The following CCP110 variants were observed in gnomAD, a reference collection of about 807,000 sequenced individuals.
CCP110 encodes centriolar coiled-coil protein 110.
A neutral mutation model predicts 105.5 loss-of-function variants in CCP110; 43 were observed. The ratio of observed to expected loss-of-function variants is 0.41; its 90% CI spans 0.32 to 0.53. The LOEUF (loss-of-function observed/expected upper bound fraction) is 0.53. Ranked by LOEUF, CCP110 falls within the 20% of genes least tolerant of loss-of-function variation. The pLI, the probability that CCP110 is intolerant of heterozygous loss-of-function variation, is 0.32. For missense variants in CCP110, 1,016 were observed against 1,189.1 expected (o/e 0.85, Z 2.14); for synonymous variants, 353 against 392.1 (o/e 0.90, Z 1.18).
chr16:19,549,667 T>G (rs1970571799), intron 14 of CCP110, among the ~76,000 whole-genome samples: 3 of 152,240 alleles, frequency 2.0e-5, no homozygotes, highest in Admixed American at 6.5e-5. Flanking sequence ...AGATAACCAT[T>G]TGAAAGGACT....
intron 7 of CCP110, 22 bp downstream of exon 7, chr16:19,542,782 T>C (rs1484436733): frequency 1.9e-6 from 3 of 1,598,830 alleles, no homozygotes; most frequent in Non-Finnish European, 1.7e-6. Flanking sequence ...TAATGATACA[T>C]GTCCATCTAT....
chr16:19,542,962 G>A lies in CCP110; in HGVS notation c.2452G>A (p.Asp818Asn), dbSNP rs149194732. Residue 818 changes from aspartate to asparagine, a missense_variant, in exon 8 of 15, where the codon GAT becomes AAT. Coordinates refer to ENST00000381396, the Ensembl canonical transcript of CCP110. ...TCTTACTCGTAGACTTATGCAGACA[G>A]ATAAGCTGAAGCAACTTCGACAAAC... The A allele has an allele frequency of 5.8e-5, 94 of 1,608,652 alleles. No individual in the cohort carries two copies. The highest frequency in any genetic ancestry group is 7.9e-5 in the Non-Finnish European group (93 of 1,176,152).
chr16:19,536,781 T>C (rs759081175), exon 4 of CCP110: 4 of 1,614,076 alleles, frequency 2.5e-6, no homozygotes, highest in East Asian at 4.5e-5. Flanking sequence ...GAGCCAAGTA[T>C]GAGTCCTAAA....
intron 3 of CCP110, among the ~76,000 whole-genome samples, chr16:19,533,137 C>T (rs530920551): frequency 9.2e-5 from 14 of 152,284 alleles, no homozygotes; most frequent in South Asian, 8.3e-4. Flanking sequence ...TTAGATTGAA[C>T]GAATAATTTC....
chr16:19,531,003 G>T (rs547945996), intron 2 of CCP110, among the ~76,000 whole-genome samples: 2 of 152,264 alleles, frequency 1.3e-5, no homozygotes, highest in African/African-American at 4.8e-5. Flanking sequence ...ATAATGTTTA[G>T]TTGCCCTCTA....
chr16:19,544,409 A>G (rs1413536111), intron 8 of CCP110, among the ~76,000 whole-genome samples: 3 of 152,238 alleles, frequency 2.0e-5, no homozygotes, highest in Admixed American at 6.5e-5. Context: ...CTGTGGATTC[A>G]ACGAACCATG....
intron 1 of CCP110, chr16:19,525,308 A>G (rs562710479): frequency 7.0e-4 from 100 of 143,178 alleles, no homozygotes; most frequent in Admixed American, 1.8e-3. Flanking sequence ...TGTGGTATAA[A>G]TGGAGAAGAC....
chr16:19,526,561 T>C (rs1355996749), intron 1 of CCP110: 1 of 152,234 alleles, frequency 6.6e-6, no homozygotes, highest in Admixed American at 6.5e-5. Context: ...TTTGCATAGA[T>C]TGAACACAAA....
At chr16:19,539,118 AAAAAAT>A (rs201323547) in intron 4 of CCP110, among the ~76,000 whole-genome samples, 24,260 of 151,494 alleles carry the variant, frequency 0.16, 2,883 homozygotes, top group East Asian at 0.39. Context: ...TCTCAAAAAA[AAAAAAT>A]AATAATAATA....
intron 14 of CCP110, among the ~76,000 whole-genome samples, chr16:19,549,099 G>A (rs1238043936): frequency 6.6e-6 from 1 of 152,068 alleles, no homozygotes; most frequent in Non-Finnish European, 1.5e-5. Flanking sequence ...CATTATTTGA[G>A]GATTAAGAGC....
intron 3 of CCP110, among the ~76,000 whole-genome samples, chr16:19,533,311 G>A (rs568430328): frequency 1.3e-5 from 2 of 152,292 alleles, no homozygotes; most frequent in East Asian, 3.9e-4. Context: ...ACTGAGGCAA[G>A]TCTCAATCGA....
rs758168379 is a variant in CCP110, at chr16:19,540,797, G to A, written c.2049+10G>A. 1.2e-6 allele frequency: 2 copies of A among 1,610,800 alleles called. No homozygotes were observed. The highest frequency in any genetic ancestry group is 1.7e-6 in the Non-Finnish European group (2 of 1,178,908). The stretch of plus-strand genomic sequence containing the variant: ...AGAAAGACTGCAAAAGGTGAGGAAT[G>A]TGGAGGGAGATACAACTGGTAAGTG... On this transcript the variant is annotated intron_variant, in intron 5 of 14. Transcript: ENST00000381396.
At position 19,548,661 on chromosome 16, in the gene CCP110, T is replaced by A; in HGVS notation, c.2986+61T>A. 1 of 1,037,872 alleles carries A rather than the reference T, an allele frequency of 9.6e-7. No homozygotes were observed. Among genetic ancestry groups the A allele is most frequent in the Admixed American group, 2.3e-5 (1 of 43,966 alleles). The allele number at this position is 1,037,872 out of a possible 1,614,324, so 64.3% of individuals were successfully genotyped here. ...AGAAGGAAGTGCACAAGCTGCCCCA[T>A]AACTCAGGCCATAGAAGTGGAATAG... On this transcript the variant is annotated intron_variant, in intron 14 of 14. Coordinates refer to ENST00000381396, the Ensembl canonical transcript of CCP110. This position sits in a 1 kb window ranked among gnomAD's most constrained non-coding sequence, Gnocchi z 4.1.
intron 1 of CCP110, chr16:19,526,918 T>G (rs1169113901): frequency 6.6e-6 from 1 of 152,222 alleles, no homozygotes; most frequent in African/African-American, 2.4e-5. Flanking sequence ...ATACCCTTGC[T>G]GGTTATGATT....
chr16:19,530,900 A>T (rs2151463667), intron 2 of CCP110, among the ~76,000 whole-genome samples: 1 of 152,166 alleles, frequency 6.6e-6, no homozygotes, highest in African/African-American at 2.4e-5. Flanking sequence ...GGATCGCACC[A>T]CTGTACTCCA....
At chr16:19,535,208 A>G (rs1970008714) in intron 3 of CCP110, among the ~76,000 whole-genome samples, 1 of 152,208 alleles carries the variant, frequency 6.6e-6, no homozygotes, top group Non-Finnish European at 1.5e-5. Context: ...GTCTGTATTC[A>G]TATGATAATA....
At chr16:19,527,365 T>TAA (rs58097336) in intron 1 of CCP110, among the ~76,000 whole-genome samples, 48 of 143,848 alleles carry the variant, frequency 3.3e-4, no homozygotes, top group Non-Finnish European at 4.3e-4. Flanking sequence ...CTTGTCTCTT[T>TAA]AAAAAAAAAA....
intron 4 of CCP110, among the ~76,000 whole-genome samples, chr16:19,540,054 A>G (rs1286711018): frequency 6.6e-6 from 1 of 152,154 alleles, no homozygotes; most frequent in Non-Finnish European, 1.5e-5. Flanking sequence ...AAGTACTGGG[A>G]TTACAGACGT....
exon 1 of CCP110, chr16:19,524,083 G>C (rs1263139689): frequency 6.5e-6 from 1 of 153,600 alleles, no homozygotes; most frequent in Non-Finnish European, 1.4e-5. Flanking sequence ...GGCCGTGGGG[G>C]ATCAGGTGTG....
Sources: gnomAD v4.1 joint callset for allele counts (sites outside exome capture counted in the v4.1 genomes callset) on GRCh38, gnomAD v4.1.1 for gene constraint, Gnocchi (gnomAD v3.1) non-coding constraint, MANE v1.5 for transcripts, NCBI Gene and HGNC (gene_info 2026-07-23, HGNC 2026-07-21) for gene names.